The following RUNX1 variants were observed in gnomAD, a reference collection of about 807,000 sequenced individuals.
RUNX1 encodes the protein RUNX family transcription factor 1, also known as runt-related transcription factor 1.
In RUNX1, 19 loss-of-function variants were observed where a neutral mutation model predicts 42.8. That is an observed-to-expected ratio of 0.44 (90% CI 0.31 to 0.65). RUNX1 has a LOEUF of 0.65. RUNX1 is among the 30% of genes least tolerant of loss of function. RUNX1 has a pLI of 0.07. For missense variants in RUNX1, 528 were observed against 672.0 expected (o/e 0.79, Z 2.37); for synonymous variants, 271 against 289.4 (o/e 0.94, Z 0.64).
rs372931510 is a variant in RUNX1, at chr21:34,877,356, C to T, written c.508+3201G>A. On this transcript the variant is annotated intron_variant, in intron 5 of 8. Transcript: ENST00000675419. The stretch of plus-strand genomic sequence containing the variant: ...ATTTTTTGGGGGTGTCATGGAGTCC[C>T]AGTCCATTTGGCTAAAATGTGAATT... Among the ~76,000 whole-genome samples the T allele has an allele frequency of 1.4e-4, 22 of 152,208 alleles. No individual in the cohort carries two copies. In the South Asian group the frequency reaches 2.7e-3, roughly 19 times the overall value.
At chr21:34,930,270 G>GTGTATGTGTATATATATA (rs372412304) in intron 2 of RUNX1, among the ~76,000 whole-genome samples, 3 of 123,014 alleles carry the variant, frequency 2.4e-5, no homozygotes, top group African/African-American at 1.1e-4. Flanking sequence ...GTGTGTGTAT[G>GTGTATGTGTATATATATA]TATATATATA....
At chr21:34,887,654 G>A in intron 3 of RUNX1, 1 of 1,078,334 alleles carries the variant, frequency 9.3e-7, no homozygotes, top group Non-Finnish European at 1.1e-6. Flanking sequence ...AAAAGCAAGA[G>A]CTGAGACTTC....
rs142926279 is a variant in RUNX1, at chr21:34,844,942, C to T, written c.614-10341G>A. 7.2e-4 allele frequency among the ~76,000 whole-genome samples: 110 copies of T among 152,338 alleles called. No homozygotes were observed. In the East Asian group the frequency reaches 0.019, roughly 26 times the overall value. ...AGTACTCACTAGTACAAAAGCCAAC[C>T]GCAGCAAGTTGTTTTGAACAGAACG... On this transcript the variant is annotated intron_variant, in intron 6 of 8. Coordinates refer to ENST00000675419, the MANE Select transcript of RUNX1 (RefSeq NM_001754.5).
At chr21:34,800,064 C>G (rs913952060) in intron 7 of RUNX1, among the ~76,000 whole-genome samples, 1 of 152,176 alleles carries the variant, frequency 6.6e-6, no homozygotes, top group Admixed American at 6.5e-5. Context: ...GTTCACAAAC[C>G]CAGCAGTAGA....
At chr21:34,923,373 G>GTGAAGA (rs1323034053) in intron 2 of RUNX1, among the ~76,000 whole-genome samples, 2 of 152,150 alleles carry the variant, frequency 1.3e-5, no homozygotes, top group Non-Finnish European at 2.9e-5. Context: ...AATTGGATTT[G>GTGAAGA]TGAAGAAACT....
rs528457851 is a variant in RUNX1, at chr21:34,907,883, C to T, written c.59-14920G>A. ...CATTTTGTTTAGAGGTGAAAAGATT[C>T]TTAGCAAACATTTTGTCCAATCCAT... On this transcript the variant is annotated intron_variant, in intron 2 of 8. Coordinates refer to ENST00000675419, the MANE Select transcript of RUNX1 (RefSeq NM_001754.5). This position sits in a 1 kb window ranked among gnomAD's most constrained non-coding sequence, Gnocchi z 5.3. Among the ~76,000 whole-genome samples, 1 of 152,166 alleles carries T rather than the reference C, an allele frequency of 6.6e-6. No individual in the cohort carries two copies. The highest frequency in any genetic ancestry group is 2.1e-4 in the South Asian group (1 of 4,832).
Position 35,049,150 on chromosome 21 carries a change from T to C in RUNX1, c.-60+18A>G, listed in dbSNP as rs1047352288. 15 of 501,688 alleles carry C rather than the reference T, an allele frequency of 3.0e-5. No individual in the cohort carries two copies. Among genetic ancestry groups the C allele is most frequent in the Non-Finnish European group, 5.0e-5 (14 of 277,810 alleles). 31.1% of individuals were successfully genotyped at this position (501,688 alleles called of 1,614,324 possible). On this transcript the variant is annotated intron_variant, in intron 1 of 8. Coordinates refer to ENST00000675419, the MANE Select transcript of RUNX1 (RefSeq NM_001754.5). The stretch of plus-strand genomic sequence containing the variant: ...AAAAAAGCCAGCGCCGCCTTGGCTG[T>C]GGGTTGGTGATGCTCACCACGCTGC...
chr21:34,929,077 T>C (rs1601581535), intron 2 of RUNX1, among the ~76,000 whole-genome samples: 1 of 152,132 alleles, frequency 6.6e-6, no homozygotes, highest in South Asian at 2.1e-4. Flanking sequence ...CTCAACTCTG[T>C]ACATCAGCCT....
In RUNX1 at chr21:35,021,494, G is replaced by A. The variant is rs562046374; in HGVS notation, c.58+27348C>T. Among the ~76,000 whole-genome samples, 8 of 152,282 alleles carry A rather than the reference G, an allele frequency of 5.3e-5. No individual in the cohort carries two copies. In the South Asian group the frequency reaches 8.3e-4, roughly 16 times the overall value. On this transcript the variant is annotated intron_variant, in intron 2 of 8. Coordinates refer to ENST00000675419, the MANE Select transcript of RUNX1 (RefSeq NM_001754.5). ...CTTAAATACACTATGAGCACTATGC[G>A]TGTGCACATACACATAATATATAAA...
At chr21:34,925,550 C>T (rs1210757551) in intron 2 of RUNX1, among the ~76,000 whole-genome samples, 2 of 152,168 alleles carry the variant, frequency 1.3e-5, no homozygotes, top group Non-Finnish European at 2.9e-5. Context: ...TCAAGGATTG[C>T]TGGCAACCAT....
intron 7 of RUNX1, among the ~76,000 whole-genome samples, chr21:34,824,414 G>A (rs563131212): frequency 6.6e-6 from 1 of 152,232 alleles, no homozygotes; most frequent in South Asian, 2.1e-4. Context: ...GTTGGTAACT[G>A]AATCTCTAAC....
chr21:34,956,794 C>T (rs558699683), intron 2 of RUNX1, among the ~76,000 whole-genome samples: 1 of 152,284 alleles, frequency 6.6e-6, no homozygotes, highest in South Asian at 2.1e-4. Flanking sequence ...CTTTTTCTCT[C>T]CCATATATAC....
At chr21:34,904,862 T>C (rs2058205423) in intron 2 of RUNX1, among the ~76,000 whole-genome samples, 1 of 152,250 alleles carries the variant, frequency 6.6e-6, no homozygotes, top group African/African-American at 2.4e-5. Context: ...AAGAATATTC[T>C]AGATCAAGTC....
chr21:35,029,741 T>C (rs1482687905), intron 2 of RUNX1, among the ~76,000 whole-genome samples: 3 of 152,184 alleles, frequency 2.0e-5, no homozygotes, highest in African/African-American at 7.2e-5. Flanking sequence ...GTCTTGGGCT[T>C]CTGGCATGGT....
At chr21:34,873,837 C>A (rs2057774131) in intron 5 of RUNX1, among the ~76,000 whole-genome samples, 1 of 152,216 alleles carries the variant, frequency 6.6e-6, no homozygotes, top group African/African-American at 2.4e-5. Flanking sequence ...GGACTCACAG[C>A]AGAACCAATG....
intron 3 of RUNX1, among the ~76,000 whole-genome samples, chr21:34,890,020 C>G (rs1833373903): frequency 6.6e-6 from 1 of 152,018 alleles, no homozygotes; most frequent in African/African-American, 2.4e-5. Flanking sequence ...TCACGGGGCC[C>G]CTGACGCCCG....
intron 6 of RUNX1, among the ~76,000 whole-genome samples, chr21:34,842,935 G>T (rs2057261586): frequency 6.6e-6 from 1 of 152,152 alleles, no homozygotes; most frequent in Non-Finnish European, 1.5e-5. Context: ...GGGCATGGTG[G>T]CACGTGCCTG....
chr21:34,871,481 C>T (rs895220542), intron 5 of RUNX1, among the ~76,000 whole-genome samples: 1 of 152,222 alleles, frequency 6.6e-6, no homozygotes, highest in African/African-American at 2.4e-5. Context: ...AAAGCAGACA[C>T]AGCCTGACCT....
intron 2 of RUNX1, among the ~76,000 whole-genome samples, chr21:35,000,036 T>C (rs1317361951): frequency 6.6e-6 from 1 of 152,132 alleles, no homozygotes; most frequent in African/African-American, 2.4e-5. Flanking sequence ...AGTTATTTGA[T>C]TGCAATCCAA....
Sources: allele counts gnomAD v4.1 joint callset (sites outside exome capture counted in the v4.1 genomes callset), GRCh38; gene constraint gnomAD v4.1.1; non-coding constraint Gnocchi (gnomAD v3.1); transcripts MANE v1.5; gene names NCBI Gene and HGNC (gene_info 2026-07-23, HGNC 2026-07-21).